Variants in LARGE1 observed in about 807,000 individuals in gnomAD.
LARGE1 encodes LARGE xylosyl- and glucuronyltransferase 1.
Under a neutral mutation model 87.6 loss-of-function variants are expected in LARGE1, and 43 were observed. The ratio of observed to expected loss-of-function variants is 0.49; its 90% CI spans 0.38 to 0.63. The LOEUF is 0.63. LARGE1 is among the 30% of genes least tolerant of loss of function. LARGE1 has a pLI of 0.00. For synonymous variants in LARGE1, 434 were observed against 394.6 expected, an observed-to-expected ratio of 1.10 and a Z score of -1.18; for missense variants, 802 against 1,000.2, an observed-to-expected ratio of 0.80 and a Z score of 2.67.
intron 1 of LARGE1, among the ~76,000 whole-genome samples, chr22:33,848,403 A>G (rs2063492381): frequency 7.8e-6 from 1 of 128,170 alleles, no homozygotes. Context: ...AGGCACTGAG[A>G]GTCTTTGGCC....
At chr22:33,447,584 T>C (rs976635189) in intron 6 of LARGE1, among the ~76,000 whole-genome samples, 6 of 152,228 alleles carry the variant, frequency 3.9e-5, no homozygotes, top group Admixed American at 6.5e-5. Context: ...CTGAATAGAA[T>C]TGTTACAAAG....
At chr22:33,782,110 T>C (rs986105083) in intron 1 of LARGE1, among the ~76,000 whole-genome samples, 13 of 152,220 alleles carry the variant, frequency 8.5e-5, no homozygotes, top group African/African-American at 2.2e-4. Flanking sequence ...GGGCAAAGGA[T>C]AGAATTAAGT....
chr22:33,626,010 A>C (rs1407435214), intron 4 of LARGE1, among the ~76,000 whole-genome samples: 2 of 152,236 alleles, frequency 1.3e-5, no homozygotes, highest in Non-Finnish European at 2.9e-5. Flanking sequence ...GGTGTCCTTT[A>C]AGATTGCATT....
intron 2 of LARGE1, among the ~76,000 whole-genome samples, chr22:33,689,360 C>T (rs2082031453): frequency 6.6e-6 from 1 of 152,190 alleles, no homozygotes; most frequent in South Asian, 2.1e-4. Context: ...CAGGAAGCCG[C>T]ATTCAGCGCA....
chr22:33,857,944 G>C (rs2063801339), intron 1 of LARGE1, among the ~76,000 whole-genome samples: 2 of 152,162 alleles, frequency 1.3e-5, no homozygotes, highest in Non-Finnish European at 1.5e-5. Flanking sequence ...CCAAGATCGT[G>C]GCGGGCCGCT....
At chr22:33,114,443 GTGCCTGGAAAATAGTCATGCTTA>G in the LARGE1 span, among the ~76,000 whole-genome samples, 12 of 152,316 alleles carry the variant, frequency 7.9e-5, no homozygotes, top group African/African-American at 2.9e-4. Flanking sequence ...ACTCAGAATA[GTGCCTGGAAAATAGTCATGCTTA>G]TGCCCATGTT....
At chr22:33,266,156 A>T (rs1927920724) in intron 11 of LARGE1, among the ~76,000 whole-genome samples, 1 of 151,752 alleles carries the variant, frequency 6.6e-6, no homozygotes, top group Non-Finnish European at 1.5e-5. Flanking sequence ...TAGGGAAAAA[A>T]AAAAAAGAAT....
chr22:33,561,224 C>A (rs539404710), intron 6 of LARGE1, among the ~76,000 whole-genome samples: 1 of 152,322 alleles, frequency 6.6e-6, no homozygotes, highest in South Asian at 2.1e-4. Context: ...CCACCTGCCT[C>A]CTCACCAGCT....
chr22:33,606,223 G>C (rs1305640446), intron 4 of LARGE1, among the ~76,000 whole-genome samples: 1 of 152,084 alleles, frequency 6.6e-6, no homozygotes, highest in South Asian at 2.1e-4. Context: ...GGGTAACACA[G>C]TGAAACCCCA....
intron 6 of LARGE1, among the ~76,000 whole-genome samples, chr22:33,513,674 T>C (rs910069483): frequency 1.3e-5 from 2 of 152,016 alleles, no homozygotes; most frequent in Non-Finnish European, 2.9e-5. Context: ...AACCCTTGAG[T>C]TGGAAGAGAC....
chr22:33,148,477 C>T, the LARGE1 span, among the ~76,000 whole-genome samples: 1 of 152,224 alleles, frequency 6.6e-6, no homozygotes, highest in Admixed American at 6.5e-5. Flanking sequence ...CATTCCCTCA[C>T]TGAAGACCAT....
chr22:33,516,133 G>C (rs1413670673), intron 6 of LARGE1, among the ~76,000 whole-genome samples: 1 of 152,206 alleles, frequency 6.6e-6, no homozygotes, highest in East Asian at 1.9e-4. Context: ...ACTGATGGCG[G>C]AGGCCCCTCT....
chr22:33,552,239 G>C (rs2077546122), intron 6 of LARGE1, among the ~76,000 whole-genome samples: 1 of 152,090 alleles, frequency 6.6e-6, no homozygotes, highest in Non-Finnish European at 1.5e-5. Context: ...TGGAGTTCTG[G>C]ATTTAATGCT....
At chr22:33,600,798 G>C (rs2079093859) in intron 5 of LARGE1, among the ~76,000 whole-genome samples, 1 of 152,178 alleles carries the variant, frequency 6.6e-6, no homozygotes, top group South Asian at 2.1e-4. Flanking sequence ...CGTAATCCCA[G>C]CACTTTGGGA....
rs181057161 is a variant in LARGE1 at position 33,476,123 on chromosome 22, C to T, written c.788-43858G>A. Among the ~76,000 whole-genome samples the T allele has an allele frequency of 6.6e-5, 10 of 152,364 alleles. No homozygotes were observed. In the South Asian group the frequency reaches 1.4e-3, roughly 22 times the overall value. On this transcript the variant is annotated intron_variant, in intron 6 of 14. Transcript: ENST00000397394. ...GAAACTCAATATCTTTATTCTAAAA[C>T]AATTCTGCTGAACTTCACCTGGCAA...
At chr22:33,818,424 C>A in intron 1 of LARGE1, among the ~76,000 whole-genome samples, 1 of 151,668 alleles carries the variant, frequency 6.6e-6, no homozygotes, top group African/African-American at 2.4e-5. Flanking sequence ...AAATATAGGA[C>A]AGGGGAAGGA....
chr22:33,188,361 C>T (rs552887911), intron 11 of LARGE1, among the ~76,000 whole-genome samples: 105 of 152,098 alleles, frequency 6.9e-4, no homozygotes, highest in African/African-American at 2.5e-3. Flanking sequence ...TCAATTCTAT[C>T]CCAACAAATA....
intron 5 of LARGE1, among the ~76,000 whole-genome samples, chr22:33,582,068 C>T (rs2078537160): frequency 6.6e-6 from 1 of 152,126 alleles, no homozygotes; most frequent in Non-Finnish European, 1.5e-5. Context: ...ATATGAAGGG[C>T]AATTTTGCCC....
At chr22:33,169,841 ACT>A (rs1397104765) in intron 11 of LARGE1, among the ~76,000 whole-genome samples, 5 of 150,870 alleles carry the variant, frequency 3.3e-5, no homozygotes, top group African/African-American at 1.2e-4. Context: ...ATAGAGCAAG[ACT>A]CTCTCTCAAA....
Sources: allele counts gnomAD v4.1 joint callset (sites outside exome capture counted in the v4.1 genomes callset), GRCh38; gene constraint gnomAD v4.1.1; transcripts MANE v1.5; gene names NCBI Gene and HGNC (gene_info 2026-07-23, HGNC 2026-07-21).